TPRG1: variants seen among roughly 807,000 people sequenced by gnomAD.
TPRG1 encodes the protein tumor protein p63 regulated 1.
TPRG1 carries 29 observed loss-of-function variants against 29.3 expected under a neutral mutation model. That is an observed-to-expected ratio of 0.99 (90% CI 0.74 to 1.35). TPRG1 has a LOEUF of 1.35. Ranked by LOEUF, TPRG1 falls within the 40% of genes most tolerant of loss-of-function variation. The pLI, the probability that TPRG1 is intolerant of heterozygous loss-of-function variation, is 0.00. For synonymous variants in TPRG1, 130 were observed against 116.8 expected (o/e 1.11, Z -0.73); for missense variants, 327 against 335.0 (o/e 0.98, Z 0.19).
chr3:189,259,634 A>G (rs1346376224), intron 4 of TPRG1, among the ~76,000 whole-genome samples: 1 of 151,228 alleles, frequency 6.6e-6, no homozygotes, highest in Non-Finnish European at 1.5e-5. Context: ...ACACCCTGAT[A>G]ATTTTTTGTA....
chr3:189,083,957 C>T (rs1438447351), intron 4 of TPRG1, among the ~76,000 whole-genome samples: 2 of 152,156 alleles, frequency 1.3e-5, no homozygotes, highest in East Asian at 3.9e-4. Context: ...GCAGGCGGAT[C>T]ACCAGAGATT....
chr3:189,129,599 G>A (rs992039457), intron 2 of TPRG1, among the ~76,000 whole-genome samples: 1 of 152,096 alleles, frequency 6.6e-6, no homozygotes. Flanking sequence ...GGTGGATCTT[G>A]CTTGTTGCCA....
chr3:189,021,784 G>A (rs1440941087), intron 3 of TPRG1, among the ~76,000 whole-genome samples: 12 of 152,088 alleles, frequency 7.9e-5, no homozygotes, highest in African/African-American at 2.9e-4. Flanking sequence ...GGCCTGCCTT[G>A]CTAGATTGGG....
chr3:189,286,742 T>G (rs1718123797), intron 4 of TPRG1, among the ~76,000 whole-genome samples: 1 of 152,072 alleles, frequency 6.6e-6, no homozygotes, highest in Admixed American at 6.6e-5. Context: ...TACAGTTAGT[T>G]GCACACAGGA....
chr3:189,269,717 G>T (rs1001573840), intron 4 of TPRG1, among the ~76,000 whole-genome samples: 1 of 152,196 alleles, frequency 6.6e-6, no homozygotes, highest in African/African-American at 2.4e-5. Flanking sequence ...AGCTACAAGG[G>T]ATTTTTCAGC....
chr3:189,157,719 G>T (rs1442541787), intron 5 of TPRG1, among the ~76,000 whole-genome samples: 3 of 152,162 alleles, frequency 2.0e-5, no homozygotes, highest in Admixed American at 6.5e-5. Context: ...ACACCATGCT[G>T]TTGCCTCCCA....
chr3:189,035,528 C>G (rs1714206791), intron 4 of TPRG1, among the ~76,000 whole-genome samples: 1 of 152,130 alleles, frequency 6.6e-6, no homozygotes, highest in African/African-American at 2.4e-5. Context: ...TATTGGCAAA[C>G]TATGCATCTG....
At chr3:189,139,484 C>T (rs549481076) in intron 3 of TPRG1, among the ~76,000 whole-genome samples, 2 of 152,330 alleles carry the variant, frequency 1.3e-5, no homozygotes, top group South Asian at 2.1e-4. Context: ...ACAGTGCGTG[C>T]CGCATCTGAC....
At chr3:189,228,156 C>T (rs1391813869) in intron 3 of TPRG1, among the ~76,000 whole-genome samples, 1 of 152,146 alleles carries the variant, frequency 6.6e-6, no homozygotes, top group African/African-American at 2.4e-5. Flanking sequence ...ACGACAACAA[C>T]AATTCCTCTA....
chr3:189,205,455 A>C (rs892480450), intron 1 of TPRG1, among the ~76,000 whole-genome samples: 26 of 152,202 alleles, frequency 1.7e-4, no homozygotes, highest in African/African-American at 5.5e-4. Flanking sequence ...AAATATCCCA[A>C]AATTAGCTAA....
At chr3:189,293,541 G>A (rs544297200) in intron 4 of TPRG1, among the ~76,000 whole-genome samples, 3 of 152,208 alleles carry the variant, frequency 2.0e-5, no homozygotes, top group Admixed American at 6.5e-5. Flanking sequence ...GCAGGCTCAG[G>A]AATAGTCTCA....
At chr3:189,016,654 G>T (rs1712949466) in intron 3 of TPRG1, among the ~76,000 whole-genome samples, 1 of 152,100 alleles carries the variant, frequency 6.6e-6, no homozygotes, top group Admixed American at 6.6e-5. Context: ...TTGAATTATG[G>T]GGGTGGACTC....
chr3:189,179,805 C>T (rs1246589815), intron 1 of TPRG1, among the ~76,000 whole-genome samples: 1 of 152,050 alleles, frequency 6.6e-6, no homozygotes, highest in Non-Finnish European at 1.5e-5. Context: ...ATGTATGTCA[C>T]ATAAGAAAAA....
At chr3:189,083,829 C>T (rs374280392) in intron 4 of TPRG1, among the ~76,000 whole-genome samples, 13,665 of 152,164 alleles carry the variant, frequency 0.09, 771 homozygotes, top group African/African-American at 0.16. Flanking sequence ...TATCTCTGAT[C>T]TTCAGCTTCT....
At chr3:189,054,736 C>A (rs762745396) in intron 4 of TPRG1, among the ~76,000 whole-genome samples, 1 of 151,860 alleles carries the variant, frequency 6.6e-6, no homozygotes, top group African/African-American at 2.4e-5. Flanking sequence ...GCTATGATTG[C>A]GTGACTGCAC....
intron 1 of TPRG1, among the ~76,000 whole-genome samples, chr3:189,125,839 G>GTGTC: frequency 6.7e-6 from 1 of 150,050 alleles, no homozygotes; most frequent in South Asian, 2.1e-4. Flanking sequence ...GTGTGTGTGT[G>GTGTC]TGTGTGTGTG....
intron 4 of TPRG1, among the ~76,000 whole-genome samples, chr3:189,246,390 C>A (rs577738302): frequency 9.9e-5 from 15 of 152,054 alleles, no homozygotes; most frequent in Non-Finnish European, 1.6e-4. Context: ...TTTTTTTTAT[C>A]CGTTTACTTT....
intron 5 of TPRG1, among the ~76,000 whole-genome samples, chr3:189,159,922 C>T (rs950577397): frequency 1.3e-5 from 2 of 151,396 alleles, no homozygotes; most frequent in Non-Finnish European, 2.9e-5. Flanking sequence ...TCAGTTTTCA[C>T]GAGCATTTCA....
intron 3 of TPRG1, among the ~76,000 whole-genome samples, chr3:189,236,531 CTGTT>C (rs1283126538): frequency 2.0e-5 from 3 of 152,144 alleles, no homozygotes; most frequent in Non-Finnish European, 4.4e-5. Context: ...GTGACTATCA[CTGTT>C]TGGAGGTGAG....
Sources: allele counts gnomAD v4.1 joint callset (sites outside exome capture counted in the v4.1 genomes callset), GRCh38; gene constraint gnomAD v4.1.1; transcripts MANE v1.5; gene names NCBI Gene and HGNC (gene_info 2026-07-23, HGNC 2026-07-21).